Variants in ANO6 observed in about 807,000 individuals in gnomAD.
ANO6 encodes the protein anoctamin 6.
A neutral mutation model predicts 117.5 loss-of-function variants in ANO6; 106 were observed. That is an observed-to-expected ratio of 0.90 (90% CI 0.77 to 1.06). The LOEUF (loss-of-function observed/expected upper bound fraction) is 1.06. Among genes scored for constraint, ANO6 ranks in the 50% least tolerant of loss-of-function variants. The pLI is 0.00. For missense variants in ANO6, 955 were observed against 1,121.1 expected, an observed-to-expected ratio of 0.85 and a Z score of 2.12; for synonymous variants, 367 against 385.1, an observed-to-expected ratio of 0.95 and a Z score of 0.55.
chr12:45,242,116 G>A (rs542582402), intron 1 of ANO6, among the ~76,000 whole-genome samples: 17 of 152,338 alleles, frequency 1.1e-4, no homozygotes, highest in African/African-American at 3.8e-4. Context: ...TGTCAGACAG[G>A]GATGTTTAAG....
At chr12:45,423,492 G>A (rs1943418300) in intron 19 of ANO6, among the ~76,000 whole-genome samples, 1 of 152,208 alleles carries the variant, frequency 6.6e-6, no homozygotes, top group Non-Finnish European at 1.5e-5. Flanking sequence ...TGCTTCCTAT[G>A]CAGAGTGAGT....
At chr12:45,408,472 A>C (rs1592030947) in intron 15 of ANO6, among the ~76,000 whole-genome samples, 1 of 152,324 alleles carries the variant, frequency 6.6e-6, no homozygotes, top group East Asian at 1.9e-4. Context: ...AGGGAAAAAA[A>C]CATGACATAA....
At chr12:45,244,203 G>C (rs1479141942) in intron 1 of ANO6, among the ~76,000 whole-genome samples, 3 of 152,170 alleles carry the variant, frequency 2.0e-5, no homozygotes, top group Non-Finnish European at 4.4e-5. Context: ...ACCAAAAGAA[G>C]ATGAATAAGT....
chr12:45,401,563 G>C (rs1299975093), intron 12 of ANO6, among the ~76,000 whole-genome samples: 1 of 152,082 alleles, frequency 6.6e-6, no homozygotes, highest in Non-Finnish European at 1.5e-5. Context: ...CCTGCACCCA[G>C]TTTCTCCTCT....
In ANO6 at chr12:45,227,972, A is replaced by G. The variant is rs538033712; in HGVS notation, c.70+11581A>G. On this transcript the variant is annotated intron_variant, in intron 1 of 19. Transcript: ENST00000320560. ...AATATTCTGTTGATGCCAAGAAACT[A>G]TTTTAGGGGGAATCTCTTTCAGGGA... is the stretch of plus-strand genomic sequence containing the variant. Among the ~76,000 whole-genome samples, 10 of 152,248 alleles carry G rather than the reference A, an allele frequency of 6.6e-5. No individual in the cohort carries two copies. The South Asian group carries it at 1.4e-3, about 22-fold the overall frequency.
intron 12 of ANO6, among the ~76,000 whole-genome samples, chr12:45,397,657 A>G (rs1016219521): frequency 1.3e-5 from 2 of 152,178 alleles, no homozygotes; most frequent in African/African-American, 4.8e-5. Context: ...ATGCAGCCAT[A>G]AAAAAGGATG....
At chr12:45,427,079 C>G (rs991049897) in intron 19 of ANO6, among the ~76,000 whole-genome samples, 12 of 152,060 alleles carry the variant, frequency 7.9e-5, no homozygotes, top group Admixed American at 3.9e-4. Context: ...ATGGCAACTC[C>G]ATCTCAACAC....
intron 6 of ANO6, 53 bp from the exon 7 acceptor site, chr12:45,350,606 A>T: frequency 7.1e-7 from 1 of 1,403,788 alleles, no homozygotes; most frequent in Non-Finnish European, 1.0e-6. Flanking sequence ...TAAGAAGCAG[A>T]TTTGTGAAAA....
chr12:45,307,781 G>T (rs10785566), intron 2 of ANO6, among the ~76,000 whole-genome samples: 119,121 of 151,922 alleles, frequency 0.78, 49,603 homozygotes, highest in Non-Finnish European at 0.93. Flanking sequence ...AGCTGAGCCA[G>T]GAGGAGCCAG....
At chr12:45,326,832 C>T (rs899520771) in intron 2 of ANO6, among the ~76,000 whole-genome samples, 2 of 152,160 alleles carry the variant, frequency 1.3e-5, no homozygotes, top group African/African-American at 4.8e-5. Context: ...CTGTAAATCA[C>T]ACCATTTCTG....
rs187136407 is a variant in ANO6, at chr12:45,415,877, G to A, written c.2012-822G>A. ...CAGTTTTAGTTACATATCTGTAGATGTTTCCTCTGAAGGTCTGCCAGTTAG... is the reference window on the plus strand; with the variant it reads ...CAGTTTTAGTTACATATCTGTAGATATTTCCTCTGAAGGTCTGCCAGTTAG... On this transcript the variant is annotated intron_variant, in intron 16 of 19. Coordinates refer to ENST00000320560, the MANE Select transcript of ANO6 (RefSeq NM_001025356.3). Among the ~76,000 whole-genome samples the A allele has an allele frequency of 1.4e-4, 22 of 152,274 alleles. No homozygotes were observed. The East Asian group carries it at 3.1e-3, about 21-fold the overall frequency.
chr12:45,420,896 G>A (rs970762191), intron 17 of ANO6, among the ~76,000 whole-genome samples, 175 bp from the exon 18 acceptor site: 4 of 152,078 alleles, frequency 2.6e-5, no homozygotes, highest in African/African-American at 4.8e-5. Flanking sequence ...GTGGTGGCAC[G>A]TGCCTGTAAT....
chr12:45,422,483 T>C (rs1943389699), intron 18 of ANO6, among the ~76,000 whole-genome samples: 1 of 152,196 alleles, frequency 6.6e-6, no homozygotes, highest in Non-Finnish European at 1.5e-5. Flanking sequence ...AATGAGGCAC[T>C]ACTGTAGTTA....
At chr12:45,274,038 T>C (rs1403270296) in intron 1 of ANO6, among the ~76,000 whole-genome samples, 2 of 152,188 alleles carry the variant, frequency 1.3e-5, no homozygotes, top group Admixed American at 1.3e-4. Context: ...GATGCTACTT[T>C]ATCTTGATTC....
intron 19 of ANO6, among the ~76,000 whole-genome samples, chr12:45,439,415 T>C (rs919519489): frequency 6.6e-6 from 1 of 152,218 alleles, no homozygotes; most frequent in Non-Finnish European, 1.5e-5. Context: ...CCATCTGGTC[T>C]GCCCAGTTGG....
chr12:45,384,735 TA>T (rs1942251734), intron 10 of ANO6, among the ~76,000 whole-genome samples: 6 of 152,130 alleles, frequency 3.9e-5, no homozygotes, highest in Admixed American at 3.9e-4. Context: ...CACAGACCAC[TA>T]TAAAAGATAC....
chr12:45,229,827 TTCA>T (rs1479108799), intron 1 of ANO6, among the ~76,000 whole-genome samples: 1 of 152,106 alleles, frequency 6.6e-6, no homozygotes, highest in Admixed American at 6.6e-5. Context: ...GGCCTAGACA[TTCA>T]TCAGCCATGT....
chr12:45,362,081 G>A (rs1002415088), intron 8 of ANO6, among the ~76,000 whole-genome samples: 1 of 152,050 alleles, frequency 6.6e-6, no homozygotes, highest in Non-Finnish European at 1.5e-5. Context: ...TCTTTAAATG[G>A]TAGGTGGAAT....
chr12:45,410,686 G>T (rs1054428002), intron 16 of ANO6, among the ~76,000 whole-genome samples: 1 of 152,048 alleles, frequency 6.6e-6, no homozygotes, highest in Non-Finnish European at 1.5e-5. Context: ...TTGTTGACAG[G>T]CTTTGCATTT....
Sources: gnomAD v4.1 joint callset for allele counts (sites outside exome capture counted in the v4.1 genomes callset) on GRCh38, gnomAD v4.1.1 for gene constraint, MANE v1.5 for transcripts, NCBI Gene and HGNC (gene_info 2026-07-23, HGNC 2026-07-21) for gene names.